PIGF: variants seen among roughly 807,000 people sequenced by gnomAD.
The protein encoded by PIGF is phosphatidylinositol glycan anchor biosynthesis class F.
In PIGF, 23 loss-of-function variants were observed where a neutral mutation model predicts 26.0. That is an observed-to-expected ratio of 0.88 (90% CI 0.64 to 1.25). The LOEUF (loss-of-function observed/expected upper bound fraction) is 1.25, where lower values mean the gene tolerates loss of function less well. Ranked by LOEUF, PIGF falls within the 50% of genes most tolerant of loss-of-function variation. PIGF has a pLI of 0.00. For synonymous variants in PIGF, 93 were observed against 92.6 expected (o/e 1.00, Z -0.03); for missense variants, 278 against 249.9 (o/e 1.11, Z -0.76).
Position 46,588,318 on chromosome 2 carries a change from A to C in PIGF, c.546+4157T>G. 1.8e-6 allele frequency: 2 copies of C among 1,087,312 alleles called. No individual in the cohort carries two copies. Among genetic ancestry groups the C allele is most frequent in the Non-Finnish European group, 2.6e-6 (2 of 782,514 alleles). 67.4% of individuals were successfully genotyped at this position (1,087,312 alleles called of 1,614,324 possible). A position where few individuals can be genotyped will look rare whatever the true frequency, so the allele number is the denominator to read the frequency against. ...GCTGGGCAGAAAAAATAAAACAACA[A>C]ACTGAGACAATTAACATATTCTCTA... On this transcript the variant is annotated intron_variant, in intron 5 of 5. Coordinates refer to ENST00000281382, the MANE Select transcript of PIGF (RefSeq NM_002643.4). The surrounding 1 kb of genome is among the most constrained non-coding windows in gnomAD (Gnocchi z 4.1).
At chr2:46,605,825 T>C (rs2104119378) in intron 4 of PIGF, among the ~76,000 whole-genome samples, 1 of 152,224 alleles carries the variant, frequency 6.6e-6, no homozygotes, top group African/African-American at 2.4e-5. Flanking sequence ...ATCTAGAAAA[T>C]GGTGAAAGTG....
Position 46,589,462 on chromosome 2 carries a change from G to A in PIGF, c.546+3013C>T, listed in dbSNP as rs1669665943. 6.6e-6 allele frequency among the ~76,000 whole-genome samples: 1 copy of A among 151,830 alleles called. No individual in the cohort carries two copies. The highest frequency in any genetic ancestry group is 2.1e-4 in the South Asian group (1 of 4,826). ...GTTTGAGTTCAAAGTAAAGAAAACT[G>A]AATTAAAACATGTAGTAGATTTTGT... On this transcript the variant is annotated intron_variant, in intron 5 of 5. Coordinates refer to ENST00000281382, the MANE Select transcript of PIGF (RefSeq NM_002643.4). This position sits in a 1 kb window ranked among gnomAD's most constrained non-coding sequence, Gnocchi z 4.7.
intron 4 of PIGF, among the ~76,000 whole-genome samples, chr2:46,610,136 C>T (rs1238400296): frequency 6.6e-6 from 1 of 152,206 alleles, no homozygotes; most frequent in Non-Finnish European, 1.5e-5. Context: ...CTACATGTCA[C>T]TGATGAATTG....
chr2:46,616,965 C>T lies in PIGF; in HGVS notation c.-22+5G>A. Reference sequence around the variant, plus strand: ...GAGACGCCGAGGGCGTCCAGCGGGGCTTACCTAACTCTCCCTCCCGCGGAA... The same window carrying T: ...GAGACGCCGAGGGCGTCCAGCGGGGTTTACCTAACTCTCCCTCCCGCGGAA... On this transcript the variant is annotated splice_donor_5th_base_variant and intron_variant, in intron 1 of 5. Coordinates refer to ENST00000281382, the MANE Select transcript of PIGF (RefSeq NM_002643.4). 1 of 518,842 alleles carries T rather than the reference C, an allele frequency of 1.9e-6. No individual in the cohort carries two copies. Among genetic ancestry groups the T allele is most frequent in the Non-Finnish European group, 3.5e-6 (1 of 288,596 alleles). The allele number at this position is 518,842 out of a possible 1,614,324, so 32.1% of individuals were successfully genotyped here.
chr2:46,600,432 T>C (rs1421743520), intron 4 of PIGF, among the ~76,000 whole-genome samples: 1 of 152,184 alleles, frequency 6.6e-6, no homozygotes, highest in African/African-American at 2.4e-5. Context: ...TTATTTATTA[T>C]CATGAAAATT....
rs900484537 is a variant in PIGF at position 46,617,031 on chromosome 2, G to A, written c.-83C>T. On this transcript the variant is annotated 5_prime_UTR_variant, in exon 1 of 6. Transcript: ENST00000281382. ...ACTGCCTCCTACCATCAGGTACGAC[G>A]GGCGGCCCAGGCCCACGCGCAGGCG... The A allele has an allele frequency of 1.7e-6, 1 of 587,914 alleles. No individual in the cohort carries two copies. The highest frequency in any genetic ancestry group is 3.0e-6 in the Non-Finnish European group (1 of 330,754). The allele number at this position is 587,914 out of a possible 1,614,324, so 36.4% of individuals were successfully genotyped here. A position where few individuals can be genotyped will look rare whatever the true frequency, so the allele number is the denominator to read the frequency against.
Position 46,588,122 on chromosome 2 carries a change from GC to G in PIGF, c.546+4352del. On this transcript the variant is annotated intron_variant, in intron 5 of 5. Coordinates refer to ENST00000281382, the MANE Select transcript of PIGF (RefSeq NM_002643.4). The surrounding 1 kb of genome is among the most constrained non-coding windows in gnomAD (Gnocchi z 4.1). ...TAAGTTACTCATTTCACAGTACCAA[GC>G]CCCCTGCAGGGTACATGGAGAGATC... is the stretch of plus-strand genomic sequence containing the variant. 6.2e-7 allele frequency: 1 copy of G among 1,610,780 alleles called. No homozygotes were observed. Among genetic ancestry groups the G allele is most frequent in the African/African-American group, 1.3e-5 (1 of 74,772 alleles).
At chr2:46,600,983 G>A (rs1670038043) in intron 4 of PIGF, among the ~76,000 whole-genome samples, 1 of 151,686 alleles carries the variant, frequency 6.6e-6, no homozygotes, top group African/African-American at 2.4e-5. Flanking sequence ...TTCCATGATA[G>A]CATTACTAGG....
At chr2:46,611,464 C>T (rs1384996955) in intron 4 of PIGF, among the ~76,000 whole-genome samples, 3 of 146,244 alleles carry the variant, frequency 2.1e-5, no homozygotes, top group African/African-American at 7.6e-5. Flanking sequence ...AGCCTGGCGA[C>T]AGAGCGAGGT....
intron 4 of PIGF, among the ~76,000 whole-genome samples, chr2:46,603,056 TA>T (rs1489333544): frequency 6.6e-6 from 1 of 152,054 alleles, no homozygotes; most frequent in Non-Finnish European, 1.5e-5. Flanking sequence ...GTAGCATTTC[TA>T]TATGCCAACA....
At chr2:46,601,380 T>A (rs1670049281) in intron 4 of PIGF, among the ~76,000 whole-genome samples, 1 of 152,128 alleles carries the variant, frequency 6.6e-6, no homozygotes, top group African/African-American at 2.4e-5. Flanking sequence ...TTAATTGAAG[T>A]AAACAGGCCA....
chr2:46,613,008 T>A (rs1401803713), intron 3 of PIGF, among the ~76,000 whole-genome samples: 1 of 151,614 alleles, frequency 6.6e-6, no homozygotes, highest in African/African-American at 2.4e-5. Flanking sequence ...AAGAATAACC[T>A]GTCAGTTTAG....
chr2:46,588,561 G>C lies in PIGF; in HGVS notation c.546+3914C>G, dbSNP rs188483413. 6.2e-6 allele frequency: 1 copy of C among 160,204 alleles called. No individual in the cohort carries two copies. The highest frequency in any genetic ancestry group is 1.9e-4 in the East Asian group (1 of 5,384). The allele number at this position is 160,204 out of a possible 1,614,324, so 9.9% of individuals were successfully genotyped here. On this transcript the variant is annotated intron_variant, in intron 5 of 5. Transcript: ENST00000281382. This position sits in a 1 kb window ranked among gnomAD's most constrained non-coding sequence, Gnocchi z 4.1. ...ATTTCAACCCAGTAATCTGATGCCA[G>C]AACTCCTAATCATCATGTTACCTGC...
chr2:46,611,276 G>A (rs567886631), intron 4 of PIGF, among the ~76,000 whole-genome samples: 1 of 151,998 alleles, frequency 6.6e-6, no homozygotes, highest in East Asian at 1.9e-4. Flanking sequence ...TCATGAGGTC[G>A]AGATCAAGAC....
intron 4 of PIGF, among the ~76,000 whole-genome samples, chr2:46,607,187 TTAC>T (rs1437142677): frequency 6.6e-6 from 1 of 152,196 alleles, no homozygotes; most frequent in Non-Finnish European, 1.5e-5. Context: ...CTACCTCAGT[TTAC>T]TACGTGTCAT....
chr2:46,592,403 C>A, intron 5 of PIGF, 72 bp downstream of exon 5: 1 of 793,844 alleles, frequency 1.3e-6, no homozygotes, highest in Admixed American at 1.8e-5. Context: ...CATATACACA[C>A]TAGTTTGCTT....
chr2:46,609,062 T>G (rs1390677247), intron 4 of PIGF, among the ~76,000 whole-genome samples: 1 of 152,250 alleles, frequency 6.6e-6, no homozygotes, highest in African/African-American at 2.4e-5. Context: ...AGATGGCATC[T>G]TCTTTCAATA....
In PIGF at chr2:46,588,076, T is replaced by C. The variant is rs1263431049; in HGVS notation, c.546+4399A>G. 5 of 1,574,514 alleles carry C rather than the reference T, an allele frequency of 3.2e-6. No individual in the cohort carries two copies. In the African/African-American group the frequency reaches 5.4e-5, roughly 17 times the overall value. On this transcript the variant is annotated intron_variant, in intron 5 of 5. Coordinates refer to ENST00000281382, the MANE Select transcript of PIGF (RefSeq NM_002643.4). This position sits in a 1 kb window ranked among gnomAD's most constrained non-coding sequence, Gnocchi z 4.1. ...GTATAAAATGGGAGTAAAACCTACC[T>C]TGCACTACGGTTGTCAGGATTAAGT... is the stretch of plus-strand genomic sequence containing the variant.
intron 4 of PIGF, among the ~76,000 whole-genome samples, chr2:46,606,565 C>T (rs1049305300): frequency 1.3e-5 from 2 of 152,124 alleles, no homozygotes; most frequent in African/African-American, 2.4e-5. Context: ...ATATATTCAA[C>T]ATTTTGTAAG....
Sources: gnomAD v4.1 joint callset for allele counts (sites outside exome capture counted in the v4.1 genomes callset) on GRCh38, gnomAD v4.1.1 for gene constraint, Gnocchi (gnomAD v3.1) non-coding constraint, MANE v1.5 for transcripts, NCBI Gene and HGNC (gene_info 2026-07-23, HGNC 2026-07-21) for gene names.